The following LYRM4 variants were observed in gnomAD, a reference collection of about 807,000 sequenced individuals.
LYRM4 encodes the protein LYR motif-containing protein 4.
Under a neutral mutation model 11.7 loss-of-function variants are expected in LYRM4, and 9 were observed. That is an observed-to-expected ratio of 0.77 (90% CI 0.46 to 1.34). The LOEUF is 1.34. Among genes scored for constraint, LYRM4 ranks in the 40% most tolerant of loss-of-function variants. The pLI, the probability that LYRM4 is intolerant of heterozygous loss-of-function variation, is 0.00. For synonymous variants in LYRM4, 42 were observed against 40.4 expected, an observed-to-expected ratio of 1.04 and a Z score of -0.15; for missense variants, 133 against 112.5, an observed-to-expected ratio of 1.18 and a Z score of -0.82.
the LYRM4 span, among the ~76,000 whole-genome samples, chr6:5,097,800 G>A: frequency 6.6e-6 from 1 of 152,148 alleles, no homozygotes; most frequent in Non-Finnish European, 1.5e-5. Flanking sequence ...TCAAACCACC[G>A]CAGATGTGTA....
At chr6:5,074,926 T>C in the LYRM4 span, among the ~76,000 whole-genome samples, 1 of 152,054 alleles carries the variant, frequency 6.6e-6, no homozygotes, top group African/African-American at 2.4e-5. Flanking sequence ...GGTGATTGGA[T>C]TATGGGGGTG....
At chr6:5,159,575 T>C (rs1758628650) in intron 2 of LYRM4, among the ~76,000 whole-genome samples, 1 of 152,222 alleles carries the variant, frequency 6.6e-6, no homozygotes, top group Non-Finnish European at 1.5e-5. Flanking sequence ...CCTACATGGC[T>C]ACTATCCAAG....
intron 1 of LYRM4, among the ~76,000 whole-genome samples, chr6:5,242,766 CTTTTT>C (rs59883253): frequency 2.3e-5 from 3 of 128,092 alleles, no homozygotes; most frequent in Non-Finnish European, 4.8e-5. Context: ...GATTTCTGCT[CTTTTT>C]TTTTTTTTTT....
At chr6:5,139,090 G>A (rs1370647635) in intron 2 of LYRM4, among the ~76,000 whole-genome samples, 1 of 152,210 alleles carries the variant, frequency 6.6e-6, no homozygotes, top group Non-Finnish European at 1.5e-5. Flanking sequence ...TGTCGTCCTT[G>A]TTAACACTCT....
At chr6:5,148,663 CTCTCT>C (rs1757917094) in intron 2 of LYRM4, among the ~76,000 whole-genome samples, 1 of 6,288 alleles carries the variant, frequency 1.6e-4, no homozygotes, top group Admixed American at 1.3e-3. Context: ...ACACACACAC[CTCTCT>C]CTCTCTCTCT....
chr6:5,068,421 C>A, the LYRM4 span, among the ~76,000 whole-genome samples: 1 of 152,172 alleles, frequency 6.6e-6, no homozygotes, highest in Admixed American at 6.5e-5. This position sits in a 1 kb window ranked among gnomAD's most constrained non-coding sequence, Gnocchi z 4.0. Context: ...CCTGACTTCA[C>A]AGTGCCATGA....
chr6:5,233,872 A>T (rs2773293), intron 1 of LYRM4, among the ~76,000 whole-genome samples: 2 of 152,248 alleles, frequency 1.3e-5, no homozygotes, highest in Non-Finnish European at 2.9e-5. Context: ...CAGACCATAC[A>T]GATCCCTGTG....
chr6:5,078,751 A>C, the LYRM4 span, among the ~76,000 whole-genome samples: 4,514 of 152,212 alleles, frequency 0.03, 131 homozygotes, highest in African/African-American at 0.08. Flanking sequence ...ATGGGGCCTA[A>C]GGTGCTATAG....
chr6:5,086,134 C>T, the LYRM4 span: 7 of 1,482,972 alleles, frequency 4.7e-6, no homozygotes, highest in African/African-American at 1.5e-5. Context: ...GCAGCGGCAG[C>T]GCGTGTGCCT....
chr6:5,195,002 A>C (rs546615597), intron 2 of LYRM4, among the ~76,000 whole-genome samples: 45 of 152,382 alleles, frequency 3.0e-4, no homozygotes, highest in Middle Eastern at 6.8e-3. Flanking sequence ...GTCATTAGCA[A>C]GAAACTGTTA....
chr6:5,219,596 C>T (rs751396108), intron 1 of LYRM4, among the ~76,000 whole-genome samples: 18 of 152,092 alleles, frequency 1.2e-4, no homozygotes, highest in Admixed American at 6.6e-5. Context: ...TTCGAATGAT[C>T]ACAGCTTTGT....
chr6:5,170,593 C>T (rs746938155), intron 2 of LYRM4, among the ~76,000 whole-genome samples: 2 of 152,112 alleles, frequency 1.3e-5, no homozygotes, highest in Non-Finnish European at 2.9e-5. Context: ...CTCTGCCTCC[C>T]GTGTTCAAGC....
chr6:5,131,692 G>C (rs1181209214), intron 2 of LYRM4, among the ~76,000 whole-genome samples: 1 of 152,014 alleles, frequency 6.6e-6, no homozygotes, highest in African/African-American at 2.4e-5. Flanking sequence ...CTCTTCTATG[G>C]TAATTGGTCT....
At chr6:5,045,840 A>G in the LYRM4 span, among the ~76,000 whole-genome samples, 70 of 152,388 alleles carry the variant, frequency 4.6e-4, no homozygotes, top group African/African-American at 1.3e-3. Context: ...AAATCCTCCA[A>G]AGCGAGCTTT....
At chr6:5,054,841 C>T in the LYRM4 span, among the ~76,000 whole-genome samples, 10 of 152,100 alleles carry the variant, frequency 6.6e-5, no homozygotes, top group African/African-American at 2.2e-4. Context: ...AATCACATGA[C>T]GGATATCAGG....
chr6:5,227,672 G>A (rs1228820154), intron 1 of LYRM4, among the ~76,000 whole-genome samples: 1 of 151,894 alleles, frequency 6.6e-6, no homozygotes, highest in Middle Eastern at 3.2e-3. Context: ...CTACTATAAA[G>A]ACACATGCAC....
intron 1 of LYRM4, among the ~76,000 whole-genome samples, chr6:5,242,578 G>A (rs1249556601): frequency 6.0e-5 from 9 of 150,984 alleles, no homozygotes; most frequent in African/African-American, 1.9e-4. Flanking sequence ...AAATTGGCCA[G>A]GTGTGGTGGC....
At chr6:5,118,096 T>TATATATATATTTTTTTTTG (rs1554126841) in intron 2 of LYRM4, among the ~76,000 whole-genome samples, 7 of 78,708 alleles carry the variant, frequency 8.9e-5, no homozygotes, top group Admixed American at 1.2e-4. Flanking sequence ...ATATATATAT[T>TATATATATATTTTTTTTTG]TTTGTTTTGT....
chr6:5,054,831 AATCACATGACGGAT>A, the LYRM4 span, among the ~76,000 whole-genome samples: 1 of 152,202 alleles, frequency 6.6e-6, no homozygotes, highest in Non-Finnish European at 1.5e-5. Flanking sequence ...TCTGGTATGG[AATCACATGACGGAT>A]ATCAGGCCCT....
Sources: gnomAD v4.1 joint callset for allele counts (sites outside exome capture counted in the v4.1 genomes callset) on GRCh38, gnomAD v4.1.1 for gene constraint, Gnocchi (gnomAD v3.1) non-coding constraint, MANE v1.5 for transcripts, NCBI Gene and HGNC (gene_info 2026-07-23, HGNC 2026-07-21) for gene names.